The following CAP2 variants were observed in gnomAD, a reference collection of about 807,000 sequenced individuals.
The protein encoded by CAP2 is adenylyl cyclase-associated protein 2.
In CAP2, 24 loss-of-function variants were observed where a neutral mutation model predicts 57.7. The ratio of observed to expected loss-of-function variants is 0.42; its 90% CI spans 0.30 to 0.58. The LOEUF (loss-of-function observed/expected upper bound fraction) is 0.58, where lower values mean the gene tolerates loss of function less well. Among genes scored for constraint, CAP2 ranks in the 20% least tolerant of loss-of-function variants. The pLI is 0.22. For synonymous variants in CAP2, 194 were observed against 207.2 expected, an observed-to-expected ratio of 0.94 and a Z score of 0.55; for missense variants, 501 against 590.3, an observed-to-expected ratio of 0.85 and a Z score of 1.57.
chr6:17,426,824 A>G, intron 3 of CAP2, 134 bp downstream of exon 3: 1 of 650,284 alleles, frequency 1.5e-6, no homozygotes, highest in South Asian at 1.8e-5. Flanking sequence ...GGTGGCTAAA[A>G]CATTCATTTA....
intron 6 of CAP2, among the ~76,000 whole-genome samples, chr6:17,510,611 A>T (rs148625887): frequency 8.9e-4 from 135 of 152,352 alleles, no homozygotes; most frequent in Non-Finnish European, 1.7e-3. Context: ...GAGACTTTAG[A>T]ACTGTGCGGC....
chr6:17,428,283 G>T (rs1759639939), intron 3 of CAP2, among the ~76,000 whole-genome samples: 2 of 152,128 alleles, frequency 1.3e-5, no homozygotes, highest in African/African-American at 4.8e-5. Flanking sequence ...AAAAATATTA[G>T]CATCATCTCC....
intron 3 of CAP2, among the ~76,000 whole-genome samples, chr6:17,444,581 C>G (rs1347161364): frequency 4.2e-5 from 6 of 141,726 alleles, no homozygotes; most frequent in Non-Finnish European, 4.5e-5. Context: ...GCAGAGGTTG[C>G]AGTGAGCCGA....
intron 11 of CAP2, among the ~76,000 whole-genome samples, chr6:17,548,242 C>T (rs918790330): frequency 1.3e-5 from 2 of 151,924 alleles, no homozygotes; most frequent in Non-Finnish European, 2.9e-5. Flanking sequence ...GTGCAGGCGC[C>T]TGTAGTCTCA....
chr6:17,449,273 G>T (rs1282164098), intron 3 of CAP2, among the ~76,000 whole-genome samples: 1 of 152,058 alleles, frequency 6.6e-6, no homozygotes, highest in African/African-American at 2.4e-5. Flanking sequence ...CTCTACCCTG[G>T]TCCTATCCCT....
chr6:17,525,368 C>T (rs1271942882), intron 7 of CAP2, among the ~76,000 whole-genome samples: 1 of 151,910 alleles, frequency 6.6e-6, no homozygotes, highest in Non-Finnish European at 1.5e-5. Flanking sequence ...TTTATTGAAC[C>T]TGCGAGGCGG....
intron 3 of CAP2, among the ~76,000 whole-genome samples, chr6:17,459,276 A>T (rs1461551247): frequency 6.6e-6 from 1 of 152,206 alleles, no homozygotes; most frequent in Admixed American, 6.5e-5. Flanking sequence ...ACAAATAAAG[A>T]CTGGACATCA....
chr6:17,408,273 G>A (rs77792881), intron 1 of CAP2, among the ~76,000 whole-genome samples: 1,611 of 152,224 alleles, frequency 0.011, 34 homozygotes, highest in African/African-American at 0.037. Flanking sequence ...CAGATTACAC[G>A]GCGAGAGAAG....
At chr6:17,502,781 TGGCC>T (rs950381681) in intron 4 of CAP2, among the ~76,000 whole-genome samples, 5 of 152,324 alleles carry the variant, frequency 3.3e-5, no homozygotes, top group Admixed American at 3.3e-4. Flanking sequence ...ACAGATATTC[TGGCC>T]TTTCTCAAAA....
chr6:17,444,803 TCCAC>T (rs985867612), intron 3 of CAP2, among the ~76,000 whole-genome samples: 6 of 76,524 alleles, frequency 7.8e-5, no homozygotes, highest in African/African-American at 2.7e-4. Context: ...TTTCTCTCTC[TCCAC>T]ACACACACAC....
chr6:17,462,933 A>C, intron 3 of CAP2, 63 bp from the exon 4 acceptor site: 3 of 1,320,182 alleles, frequency 2.3e-6, no homozygotes, highest in Non-Finnish European at 3.3e-6. Flanking sequence ...GAATTGCCAG[A>C]TTATATGGTA....
intron 1 of CAP2, among the ~76,000 whole-genome samples, chr6:17,418,684 C>T (rs1449397766): frequency 6.6e-6 from 1 of 151,384 alleles, no homozygotes; most frequent in Non-Finnish European, 1.5e-5. Flanking sequence ...TTTTTTCTAT[C>T]GCAGGCTAGG....
chr6:17,551,758 T>G (rs1763176238), intron 12 of CAP2, among the ~76,000 whole-genome samples, 154 bp downstream of exon 12: 1 of 152,234 alleles, frequency 6.6e-6, no homozygotes, highest in Non-Finnish European at 1.5e-5. Flanking sequence ...TCCACATCTC[T>G]TCCCGCCTAT....
intron 7 of CAP2, among the ~76,000 whole-genome samples, chr6:17,520,004 A>G (rs1762354108): frequency 6.6e-6 from 1 of 152,304 alleles, no homozygotes; most frequent in South Asian, 2.1e-4. Flanking sequence ...ATCAAATAAG[A>G]TATAATTATT....
chr6:17,434,273 G>A (rs1277262547), intron 3 of CAP2, among the ~76,000 whole-genome samples: 1 of 144,352 alleles, frequency 6.9e-6, no homozygotes, highest in African/African-American at 2.7e-5. Flanking sequence ...CTGTTGCCTA[G>A]GCTGGAGTGC....
chr6:17,486,411 C>T (rs1310159818), intron 4 of CAP2, among the ~76,000 whole-genome samples: 3 of 151,764 alleles, frequency 2.0e-5, no homozygotes, highest in East Asian at 2.0e-4. Flanking sequence ...CAAGACCAGC[C>T]TGGGCAACAC....
chr6:17,426,293 C>T (rs1021019065), intron 2 of CAP2, among the ~76,000 whole-genome samples: 9 of 146,832 alleles, frequency 6.1e-5, no homozygotes, highest in African/African-American at 2.3e-4. Flanking sequence ...AGTGCAGTGG[C>T]GCGATCTCGA....
At chr6:17,527,597 CT>C (rs10668941) in intron 7 of CAP2, among the ~76,000 whole-genome samples, 81 of 131,192 alleles carry the variant, frequency 6.2e-4, no homozygotes, top group Middle Eastern at 4.2e-3. Flanking sequence ...TGTTCTCTTT[CT>C]TTTTTTTTTT....
At chr6:17,493,397 A>G (rs973419317) in intron 4 of CAP2, 2 of 368,412 alleles carry the variant, frequency 5.4e-6, no homozygotes, top group Non-Finnish European at 1.1e-5. Context: ...GTTTTAGGAT[A>G]TAATGAGTAA....
Sources: gnomAD v4.1 joint callset for allele counts (sites outside exome capture counted in the v4.1 genomes callset) on GRCh38, gnomAD v4.1.1 for gene constraint, MANE v1.5 for transcripts, NCBI Gene and HGNC (gene_info 2026-07-23, HGNC 2026-07-21) for gene names.